CGGBP1: variants seen among roughly 807,000 people sequenced by gnomAD.
CGGBP1 encodes CGG triplet repeat binding protein 1.
Under a neutral mutation model 11.4 loss-of-function variants are expected in CGGBP1, and 4 were observed. That is an observed-to-expected ratio of 0.35 (90% confidence interval 0.17 to 0.80). The LOEUF (loss-of-function observed/expected upper bound fraction) is 0.80, where lower values mean the gene tolerates loss of function less well. Among genes scored for constraint, CGGBP1 ranks in the 30% least tolerant of loss-of-function variants. The probability of loss-of-function intolerance (pLI) is 0.52; values close to 1 mark genes in which losing one functional copy is unlikely to be tolerated. For missense variants in CGGBP1, 135 were observed against 202.1 expected, an observed-to-expected ratio of 0.67 and a Z score of 2.01; for synonymous variants, 76 against 74.1, an observed-to-expected ratio of 1.03 and a Z score of -0.13.
chr3:88,076,148 T>A (rs1707790421), intron 2 of CGGBP1, among the ~76,000 whole-genome samples: 1 of 152,216 alleles, frequency 6.6e-6, no homozygotes, highest in Non-Finnish European at 1.5e-5. Context: ...TGTACAGATT[T>A]TATATTACTT....
Position 88,135,318 on chromosome 3 carries a change from G to T in CGGBP1, c.-229+5652C>A, listed in dbSNP as rs192070848. ...AAACTGAAGGAAAGGAGGATTTTAA[G>T]GCCACATTCTCCATACATTACATTC... On this transcript the variant is annotated intron_variant, in intron 2 of 3. Transcript: ENST00000462901. 5.3e-4 allele frequency: 436 copies of T among 823,240 alleles called. 2 individuals are homozygous for T. The highest frequency in any genetic ancestry group is 4.4e-5 in the Non-Finnish European group (26 of 587,464). The allele number at this position is 823,240 out of a possible 1,614,324, so 51.0% of individuals were successfully genotyped here.
chr3:88,077,553 T>C (rs554125815), intron 2 of CGGBP1, among the ~76,000 whole-genome samples: 2 of 152,280 alleles, frequency 1.3e-5, no homozygotes, highest in East Asian at 1.9e-4. Context: ...GGGGAATCAT[T>C]GTTCTTCATT....
At chr3:88,098,371 G>C (rs1171018444) in intron 2 of CGGBP1, among the ~76,000 whole-genome samples, 1 of 152,206 alleles carries the variant, frequency 6.6e-6, no homozygotes, top group Admixed American at 6.5e-5. Context: ...TCCAGGACCA[G>C]ATGGATTCAC....
In CGGBP1 at chr3:88,082,191, A is replaced by G. The variant is rs376186479; in HGVS notation, c.-228-23968T>C. Among the ~76,000 whole-genome samples, 73 of 151,602 alleles carry G rather than the reference A, an allele frequency of 4.8e-4. 1 individual carries two copies. In the East Asian group the frequency reaches 0.013, roughly 26 times the overall value. ...TGCCAGGCTGGAGTGCAGTGGTGCA[A>G]TCTTGGCTCACTGCAACCTCTGCCT... is the stretch of plus-strand genomic sequence containing the variant. On this transcript the variant is annotated intron_variant, in intron 2 of 3. Coordinates refer to the CGGBP1 transcript ENST00000462901.
chr3:88,105,784 C>CT (rs1027073374), intron 2 of CGGBP1, among the ~76,000 whole-genome samples: 6 of 152,098 alleles, frequency 3.9e-5, no homozygotes, highest in South Asian at 2.1e-4. Flanking sequence ...GTTTGAATAT[C>CT]TTTTTTTCAT....
Position 88,083,875 on chromosome 3 carries a change from C to T in CGGBP1, c.-228-25652G>A, listed in dbSNP as rs894841255. On this transcript the variant is annotated intron_variant, in intron 2 of 3. Coordinates refer to the CGGBP1 transcript ENST00000462901. The stretch of plus-strand genomic sequence containing the variant: ...GTAGAACACACAGATTAGCTGAGTG[C>T]GTATGACAGCACTCACAGCATAGGA... Among the ~76,000 whole-genome samples, 5 of 151,172 alleles carry T rather than the reference C, an allele frequency of 3.3e-5. No individual in the cohort carries two copies. The East Asian group carries it at 5.8e-4, about 18-fold the overall frequency.
At chr3:88,078,151 A>G (rs1192120082) in intron 2 of CGGBP1, among the ~76,000 whole-genome samples, 1 of 152,254 alleles carries the variant, frequency 6.6e-6, no homozygotes, top group South Asian at 2.1e-4. Flanking sequence ...TAGGGTTTTG[A>G]TATATATTCT....
upstream of CGGBP1, chr3:88,059,286 C>T (rs1706692606): frequency 6.5e-7 from 1 of 1,530,350 alleles, no homozygotes. Context: ...GGCGGCGGCG[C>T]AGGGGCTGGT....
Position 88,083,935 on chromosome 3 carries a change from C to T in CGGBP1, c.-228-25712G>A, listed in dbSNP as rs1426007474. 5.0e-5 allele frequency among the ~76,000 whole-genome samples: 3 copies of T among 60,142 alleles called. No individual in the cohort carries two copies. The East Asian group carries it at 1.3e-3, about 27-fold the overall frequency. 39.5% of individuals were successfully genotyped at this position (60,142 alleles called of 152,430 possible). A position where few individuals can be genotyped will look rare whatever the true frequency, so the allele number is the denominator to read the frequency against. On this transcript the variant is annotated intron_variant, in intron 2 of 3. Coordinates refer to the CGGBP1 transcript ENST00000462901. The stretch of plus-strand genomic sequence containing the variant: ...CATTTTAATAGGACAATGTAATGTA[C>T]TTATTTTATATATATATATATATAT...
chr3:88,123,139 A>G (rs1037854496), intron 2 of CGGBP1, among the ~76,000 whole-genome samples: 1 of 152,164 alleles, frequency 6.6e-6, no homozygotes, highest in Non-Finnish European at 1.5e-5. Flanking sequence ...TTTAAATTGA[A>G]TATCATCCAA....
At chr3:88,111,759 G>GTA (rs1162050250) in intron 2 of CGGBP1, among the ~76,000 whole-genome samples, 1 of 151,942 alleles carries the variant, frequency 6.6e-6, no homozygotes, top group African/African-American at 2.4e-5. Flanking sequence ...ATTGTGATGA[G>GTA]TATAGGAACA....
chr3:88,059,562 C>T (rs1706719341), upstream of CGGBP1: 1 of 1,444,652 alleles, frequency 6.9e-7, no homozygotes, highest in Non-Finnish European at 9.0e-7. Flanking sequence ...CTCTCTGCGT[C>T]TCCTGGTCTT....
chr3:88,118,986 AG>A (rs1705586623), intron 2 of CGGBP1, among the ~76,000 whole-genome samples: 1 of 149,678 alleles, frequency 6.7e-6, no homozygotes, highest in Non-Finnish European at 1.5e-5. Flanking sequence ...GCGATTCCTC[AG>A]GGATCTAGAA....
At chr3:88,105,986 A>G (rs569140282) in intron 2 of CGGBP1, among the ~76,000 whole-genome samples, 1 of 152,248 alleles carries the variant, frequency 6.6e-6, no homozygotes, top group East Asian at 1.9e-4. Context: ...TCTGCCATGT[A>G]ATGATCTAGC....
chr3:88,078,011 A>G (rs111981209), intron 2 of CGGBP1, among the ~76,000 whole-genome samples: 5 of 152,238 alleles, frequency 3.3e-5, no homozygotes, highest in African/African-American at 1.2e-4. Flanking sequence ...AATGTTGTGA[A>G]ATTTCTTTGT....
At chr3:88,088,630 C>A (rs1197806842) in intron 2 of CGGBP1, among the ~76,000 whole-genome samples, 2 of 151,986 alleles carry the variant, frequency 1.3e-5, no homozygotes, top group Non-Finnish European at 2.9e-5. Flanking sequence ...TGTGTGTACA[C>A]TGTGCGTCTT....
chr3:88,104,121 G>A (rs757158804), intron 2 of CGGBP1, among the ~76,000 whole-genome samples: 56 of 152,062 alleles, frequency 3.7e-4, no homozygotes, highest in Non-Finnish European at 5.7e-4. Context: ...ATCAAAAACT[G>A]AGGTAATTCA....
chr3:88,056,946 T>C (rs1706559662), intron 3 of CGGBP1: 1 of 152,210 alleles, frequency 6.6e-6, no homozygotes, highest in South Asian at 2.1e-4. Flanking sequence ...CTTATGGGCA[T>C]TGAAACCTTT....
intron 2 of CGGBP1, among the ~76,000 whole-genome samples, chr3:88,108,987 G>A (rs934533177): frequency 6.6e-6 from 1 of 152,148 alleles, no homozygotes; most frequent in Non-Finnish European, 1.5e-5. Context: ...AAGGTGCTTA[G>A]TTAAGATGGA....
Sources: gnomAD v4.1 joint callset for allele counts (sites outside exome capture counted in the v4.1 genomes callset) on GRCh38, gnomAD v4.1.1 for gene constraint, MANE v1.5 for transcripts, NCBI Gene and HGNC (gene_info 2026-07-23, HGNC 2026-07-21) for gene names.